Variants in SNTG1 observed in about 807,000 individuals in gnomAD.
SNTG1 encodes the protein gamma-1-syntrophin.
SNTG1 carries 39 observed loss-of-function variants against 74.7 expected under a neutral mutation model. That is an observed-to-expected ratio of 0.52 (90% CI 0.40 to 0.68). The LOEUF is 0.68. Ranked by LOEUF, SNTG1 falls within the 30% of genes least tolerant of loss-of-function variation. The pLI is 0.00. For synonymous variants in SNTG1, 254 were observed against 217.1 expected, an observed-to-expected ratio of 1.17 and a Z score of -1.49; for missense variants, 685 against 609.5, an observed-to-expected ratio of 1.12 and a Z score of -1.30.
At chr8:50,462,787 G>A (rs1436639263) in intron 8 of SNTG1, among the ~76,000 whole-genome samples, 1 of 126,710 alleles carries the variant, frequency 7.9e-6, no homozygotes, top group Non-Finnish European at 1.6e-5. Context: ...CGCATCTTCA[G>A]GTTCTACTCT....
chr8:50,583,801 C>A (rs1252741012), intron 12 of SNTG1, among the ~76,000 whole-genome samples: 1 of 142,286 alleles, frequency 7.0e-6, no homozygotes, highest in African/African-American at 2.7e-5. Flanking sequence ...GCTTTAAGTT[C>A]TAGGGTACAT....
chr8:50,149,431 A>T (rs2081986956), intron 1 of SNTG1, among the ~76,000 whole-genome samples: 1 of 152,132 alleles, frequency 6.6e-6, no homozygotes, highest in African/African-American at 2.4e-5. Flanking sequence ...TTTTGTTGCC[A>T]TTGCTTTTGT....
chr8:50,763,897 ACACACACAC>A (rs1563817630), intron 18 of SNTG1, among the ~76,000 whole-genome samples: 38 of 117,044 alleles, frequency 3.2e-4, no homozygotes, highest in Middle Eastern at 3.8e-3. Context: ...ACACACACAC[ACACACACAC>A]AAAAATAACC....
At chr8:50,386,109 A>G (rs2131263085) in intron 2 of SNTG1, among the ~76,000 whole-genome samples, 1 of 152,312 alleles carries the variant, frequency 6.6e-6, no homozygotes, top group African/African-American at 2.4e-5. Flanking sequence ...CTCACTCCAC[A>G]TGTCAGAAAA....
chr8:49,998,587 G>GAC (rs56162374), intron 1 of SNTG1, among the ~76,000 whole-genome samples: 9,257 of 136,780 alleles, frequency 0.068, 342 homozygotes, highest in African/African-American at 0.094. Flanking sequence ...TAAAAATTAA[G>GAC]ACACACACAC....
chr8:50,396,929 G>A (rs2092735342), intron 3 of SNTG1, among the ~76,000 whole-genome samples: 1 of 152,166 alleles, frequency 6.6e-6, no homozygotes, highest in South Asian at 2.1e-4. Flanking sequence ...GTAAACCCAT[G>A]CAAATTCATA....
intron 1 of SNTG1, among the ~76,000 whole-genome samples, chr8:50,031,901 A>G (rs935259627): frequency 6.6e-6 from 1 of 152,116 alleles, no homozygotes; most frequent in African/African-American, 2.4e-5. Context: ...GTCTTATACA[A>G]TTCCCCAATA....
rs2094255570 is a variant in SNTG1, at chr8:50,530,204, C to T, written c.494C>T (p.Thr165Ile). 1.2e-6 allele frequency: 2 copies of T among 1,613,736 alleles called. No homozygotes were observed. The highest frequency in any genetic ancestry group is 1.3e-5 in the African/African-American group (1 of 75,014). The change falls in exon 10 of 19, where the codon ACC becomes ATC. Residue 165 changes from threonine (T) to isoleucine (I), a missense_variant. Transcript: ENST00000642720. ...ACAPSDQSSG[T>I]SSPLCDSGLH... Reference sequence around the variant, plus strand: ...GCTCCAAGTGACCAGAGCAGTGGCACCTCCTCTCCTCTCTGTGACAGTGGC... The same window carrying T: ...GCTCCAAGTGACCAGAGCAGTGGCATCTCCTCTCCTCTCTGTGACAGTGGC...
chr8:50,148,971 C>T (rs1466287064), intron 1 of SNTG1, among the ~76,000 whole-genome samples: 1 of 152,178 alleles, frequency 6.6e-6, no homozygotes, highest in Admixed American at 6.5e-5. Context: ...GAGGAATCGC[C>T]ACACCAACTT....
chr8:50,111,014 A>G (rs2080564671), intron 1 of SNTG1, among the ~76,000 whole-genome samples: 1 of 152,100 alleles, frequency 6.6e-6, no homozygotes, highest in African/African-American at 2.4e-5. Flanking sequence ...TTTCAACTCT[A>G]CCTGCAAGTT....
At chr8:50,344,199 C>T (rs960562672) in intron 2 of SNTG1, among the ~76,000 whole-genome samples, 6 of 152,036 alleles carry the variant, frequency 3.9e-5, no homozygotes, top group African/African-American at 9.7e-5. Context: ...TTTATATATA[C>T]CTTATATATA....
chr8:50,572,766 C>T lies in SNTG1; in HGVS notation c.811-18113C>T, dbSNP rs146434468. ...TCATCTTGTATCCTTACACTAATGT[C>T]GTTATTTGTCAAGTGAATTTATTTC... On this transcript the variant is annotated intron_variant, in intron 12 of 18. Transcript: ENST00000642720. 4.0e-3 allele frequency among the ~76,000 whole-genome samples: 612 copies of T among 152,092 alleles called. 4 individuals are homozygous for T. Among genetic ancestry groups the T allele is most frequent in the African/African-American group, 0.014 (567 of 41,504 alleles).
chr8:49,999,045 T>C (rs1359288147), intron 1 of SNTG1, among the ~76,000 whole-genome samples: 1 of 152,162 alleles, frequency 6.6e-6, no homozygotes, highest in Non-Finnish European at 1.5e-5. Context: ...CGAATGGAAG[T>C]GTTCAACTCC....
At chr8:50,348,587 T>A (rs1352917467) in intron 2 of SNTG1, among the ~76,000 whole-genome samples, 2 of 152,200 alleles carry the variant, frequency 1.3e-5, no homozygotes, top group East Asian at 3.9e-4. Flanking sequence ...TAATATTTAA[T>A]GTAGGATGAT....
chr8:49,975,692 A>G (rs1447019986), intron 1 of SNTG1, among the ~76,000 whole-genome samples: 2 of 152,040 alleles, frequency 1.3e-5, no homozygotes, highest in Non-Finnish European at 2.9e-5. Flanking sequence ...TCTTATTTTC[A>G]GTCCGAGGAA....
chr8:50,290,200 T>C (rs1394807537), intron 2 of SNTG1, among the ~76,000 whole-genome samples: 3 of 152,132 alleles, frequency 2.0e-5, no homozygotes, highest in African/African-American at 7.2e-5. Flanking sequence ...TGTACCTAGG[T>C]TCCTCCAAAT....
chr8:50,435,749 G>T (rs184292692), intron 4 of SNTG1, among the ~76,000 whole-genome samples: 1 of 152,188 alleles, frequency 6.6e-6, no homozygotes, highest in South Asian at 2.1e-4. Context: ...TGCATGTTGT[G>T]TGTGTGCCCA....
chr8:50,611,802 T>A (rs888819511), intron 13 of SNTG1, among the ~76,000 whole-genome samples: 16 of 152,182 alleles, frequency 1.1e-4, no homozygotes, highest in African/African-American at 3.9e-4. Context: ...GGTCTCACTC[T>A]GTCACCCAGT....
chr8:50,195,805 G>A (rs2083747471), intron 2 of SNTG1, among the ~76,000 whole-genome samples: 1 of 152,156 alleles, frequency 6.6e-6, no homozygotes, highest in Non-Finnish European at 1.5e-5. Context: ...TACAGGAGCA[G>A]TTCACTTCCT....
Sources: gnomAD v4.1 joint callset for allele counts (sites outside exome capture counted in the v4.1 genomes callset) on GRCh38, gnomAD v4.1.1 for gene constraint, MANE v1.5 for transcripts, NCBI Gene and HGNC (gene_info 2026-07-23, HGNC 2026-07-21) for gene names.